ATP11A: variants seen among roughly 807,000 people sequenced by gnomAD.
The protein encoded by ATP11A is ATPase phospholipid transporting 11A.
In ATP11A, 81 loss-of-function variants were observed where a neutral mutation model predicts 154.4. The observed-to-expected ratio is 0.52, with a 90% CI of 0.44 to 0.63. The LOEUF is 0.63. Among genes scored for constraint, ATP11A ranks in the 30% least tolerant of loss-of-function variants. The pLI, the probability that ATP11A is intolerant of heterozygous loss-of-function variation, is 0.00. For missense variants in ATP11A, 1,316 were observed against 1,474.3 expected (o/e 0.89, Z 1.76); for synonymous variants, 623 against 585.9 (o/e 1.06, Z -0.91).
chr13:112,764,918 G>T (rs1375648229), intron 1 of ATP11A, among the ~76,000 whole-genome samples: 1 of 152,144 alleles, frequency 6.6e-6, no homozygotes, highest in Non-Finnish European at 1.5e-5. Context: ...TACCAGTCTG[G>T]GCTGGTAGAA....
chr13:112,864,724 A>C (rs113375232), intron 25 of ATP11A, among the ~76,000 whole-genome samples: 904 of 15,576 alleles, frequency 0.058, no homozygotes, highest in Middle Eastern at 0.12. Context: ...TCAGTGCAGC[A>C]CGTGCAGCTT....
At position 112,831,346 on chromosome 13, in the gene ATP11A, C is replaced by T. The variant is rs755767984; in HGVS notation, c.1222-29C>T. ...GGGGACGTGCGGGCCTCCCTCAGAG[C>T]GCCCTGACTTGCTGTGCCCTGCCCG... On this transcript the variant is annotated intron_variant, in intron 12 of 29. Coordinates refer to ENST00000375645, the MANE Select transcript of ATP11A (RefSeq NM_015205.3). 7.5e-6 allele frequency: 12 copies of T among 1,604,256 alleles called. No homozygotes were observed. The East Asian group carries it at 2.0e-4, about 27-fold the overall frequency.
At chr13:112,852,792 G>C (rs185166316) in intron 18 of ATP11A, among the ~76,000 whole-genome samples, 20 of 147,108 alleles carry the variant, frequency 1.4e-4, no homozygotes, top group African/African-American at 4.4e-4. Context: ...TGGCGGGGGG[G>C]GATCTCAGTG....
intron 1 of ATP11A, among the ~76,000 whole-genome samples, chr13:112,762,729 C>T (rs1314270587): frequency 6.6e-6 from 1 of 152,216 alleles, no homozygotes; most frequent in Non-Finnish European, 1.5e-5. Flanking sequence ...CTAAGTTCCA[C>T]GGAATAATTT....
chr13:112,878,582 AGCGGAGAGCT>A (rs2080798442), intron 29 of ATP11A: 2 of 520,370 alleles, frequency 3.8e-6, no homozygotes, highest in African/African-American at 1.9e-5. Context: ...CACAGCTGAC[AGCGGAGAGCT>A]GGCCACATGA....
chr13:112,700,519 C>T (rs543291162), intron 1 of ATP11A, among the ~76,000 whole-genome samples: 5 of 152,366 alleles, frequency 3.3e-5, no homozygotes, highest in African/African-American at 1.2e-4. Context: ...CTCATTGGCA[C>T]TGGGTGCTGA....
At chr13:112,780,734 G>A (rs2077477624) in intron 1 of ATP11A, among the ~76,000 whole-genome samples, 1 of 152,152 alleles carries the variant, frequency 6.6e-6, no homozygotes, top group African/African-American at 2.4e-5. Flanking sequence ...CTTGCCACGT[G>A]GCTTTCTCGA....
At chr13:112,792,182 G>A (rs1386358828) in intron 2 of ATP11A, among the ~76,000 whole-genome samples, 1 of 152,186 alleles carries the variant, frequency 6.6e-6, no homozygotes, top group Non-Finnish European at 1.5e-5. Flanking sequence ...ACTCAGGAAG[G>A]AAAGGCCCTC....
intron 1 of ATP11A, among the ~76,000 whole-genome samples, chr13:112,741,880 C>G (rs1187865951): frequency 2.6e-5 from 4 of 152,102 alleles, no homozygotes; most frequent in African/African-American, 9.7e-5. Context: ...TACTTCTCTT[C>G]CCCCAAAGAT....
chr13:112,762,532 CCTT>C (rs1294897761), intron 1 of ATP11A, among the ~76,000 whole-genome samples: 4 of 152,060 alleles, frequency 2.6e-5, no homozygotes, highest in African/African-American at 4.8e-5. Context: ...ACGATAAACT[CCTT>C]CAGGATACTG....
At chr13:112,725,452 C>T (rs1481525937) in intron 1 of ATP11A, among the ~76,000 whole-genome samples, 1 of 152,230 alleles carries the variant, frequency 6.6e-6, no homozygotes, top group Non-Finnish European at 1.5e-5. Context: ...CTGGGTTTCT[C>T]AGCCGCTGCC....
At chr13:112,810,225 G>C (rs1044455148) in intron 4 of ATP11A, among the ~76,000 whole-genome samples, 1 of 152,244 alleles carries the variant, frequency 6.6e-6, no homozygotes, top group Admixed American at 6.5e-5. Context: ...CCACGTCTTC[G>C]GGGCTTTTCG....
At chr13:112,828,106 G>A (rs1007334696) in intron 12 of ATP11A, among the ~76,000 whole-genome samples, 16 of 125,644 alleles carry the variant, frequency 1.3e-4, no homozygotes, top group Admixed American at 4.8e-4. Context: ...GCCCAGCAGC[G>A]TTGAGTGGGG....
chr13:112,789,250 G>C (rs1179940160), intron 2 of ATP11A, among the ~76,000 whole-genome samples: 6 of 148,878 alleles, frequency 4.0e-5, no homozygotes, highest in African/African-American at 1.5e-4. Flanking sequence ...TCCACACCGG[G>C]TGTCCTGATG....
intron 2 of ATP11A, among the ~76,000 whole-genome samples, chr13:112,795,264 G>C (rs2077970941): frequency 6.6e-6 from 1 of 152,182 alleles, no homozygotes; most frequent in Non-Finnish European, 1.5e-5. Flanking sequence ...AAATAAATAA[G>C]TTATGGCAAG....
At chr13:112,766,286 G>A (rs2077075090) in intron 1 of ATP11A, among the ~76,000 whole-genome samples, 1 of 152,158 alleles carries the variant, frequency 6.6e-6, no homozygotes, top group South Asian at 2.1e-4. Context: ...CTGAAGCCAT[G>A]GTTTTTCATT....
Position 112,690,518 on chromosome 13 carries a change from G to GC in ATP11A, c.39+66dup. The GC allele has an allele frequency of 7.9e-7, 1 of 1,259,738 alleles. No individual in the cohort carries two copies. Among genetic ancestry groups the GC allele is most frequent in the Non-Finnish European group, 1.0e-6 (1 of 1,000,430 alleles). 78.0% of individuals were successfully genotyped at this position (1,259,738 alleles called of 1,614,324 possible). On this transcript the variant is annotated intron_variant, in intron 1 of 29. Transcript: ENST00000375645. The surrounding 1 kb of genome is among the most constrained non-coding windows in gnomAD (Gnocchi z 5.6). Reference sequence around the variant, plus strand: ...CAGACAGACGCGGGCCGGCCCCGCAGCCCGGACCCTGTGGCCGGTCCAGCC... The same window carrying GC: ...CAGACAGACGCGGGCCGGCCCCGCAGCCCCGGACCCTGTGGCCGGTCCAGCC...
At chr13:112,782,653 C>T (rs1341511029) in intron 1 of ATP11A, among the ~76,000 whole-genome samples, 3 of 152,192 alleles carry the variant, frequency 2.0e-5, no homozygotes, top group Non-Finnish European at 4.4e-5. Context: ...GCAGGGAAGG[C>T]CCCCGTCAGG....
Position 112,785,130 on chromosome 13 carries a change from C to G in ATP11A, c.40-5C>G. 1 of 1,487,492 alleles carries G rather than the reference C, an allele frequency of 6.7e-7. No individual in the cohort carries two copies. Among genetic ancestry groups the G allele is most frequent in the Non-Finnish European group, 9.0e-7 (1 of 1,117,212 alleles). 92.1% of individuals were successfully genotyped at this position (1,487,492 alleles called of 1,614,324 possible). On this transcript the variant is annotated splice_polypyrimidine_tract_variant and splice_region_variant and intron_variant, in intron 1 of 29. Transcript: ENST00000375645. The surrounding 1 kb of genome is among the most constrained non-coding windows in gnomAD (Gnocchi z 4.8). ...AGCTGCCTAACACCGCTCTCCTTTC[C>G]GCAGTGTGCAGGAGAAGAGAATTGG...
Sources: gnomAD v4.1 joint callset for allele counts (sites outside exome capture counted in the v4.1 genomes callset) on GRCh38, gnomAD v4.1.1 for gene constraint, Gnocchi (gnomAD v3.1) non-coding constraint, MANE v1.5 for transcripts, NCBI Gene and HGNC (gene_info 2026-07-23, HGNC 2026-07-21) for gene names.